METAP1D: variants seen among roughly 807,000 people sequenced by gnomAD.
METAP1D encodes the protein methionyl aminopeptidase type 1D, mitochondrial.
METAP1D carries 31 observed loss-of-function variants against 40.5 expected under a neutral mutation model. The ratio of observed to expected loss-of-function variants is 0.77; its 90% CI spans 0.58 to 1.03. The LOEUF is 1.03. METAP1D is among the 50% of genes least tolerant of loss of function. The pLI, the probability that METAP1D is intolerant of heterozygous loss-of-function variation, is 0.00. For missense variants in METAP1D, 411 were observed against 420.7 expected (o/e 0.98, Z 0.20); for synonymous variants, 151 against 146.4 (o/e 1.03, Z -0.22).
intron 1 of METAP1D, among the ~76,000 whole-genome samples, chr2:172,060,178 G>A (rs1017009897): frequency 1.3e-5 from 2 of 152,144 alleles, no homozygotes; most frequent in African/African-American, 4.8e-5. Context: ...CACTTTGGGA[G>A]GCCGAGGTGG....
intron 1 of METAP1D, among the ~76,000 whole-genome samples, chr2:172,006,186 GTTTT>G (rs11380115): frequency 1.4e-4 from 20 of 139,802 alleles, no homozygotes; most frequent in South Asian, 2.3e-4. Flanking sequence ...TATAGTTTTT[GTTTT>G]TTTTTTTTTT....
intron 1 of METAP1D, among the ~76,000 whole-genome samples, chr2:172,024,991 T>G (rs916249338): frequency 2.0e-5 from 3 of 152,212 alleles, no homozygotes; most frequent in Admixed American, 1.3e-4. Context: ...AGTTAATTTA[T>G]CTCCAAACTT....
At chr2:172,017,048 T>C (rs997285314) in intron 1 of METAP1D, among the ~76,000 whole-genome samples, 3 of 152,114 alleles carry the variant, frequency 2.0e-5, no homozygotes, top group Admixed American at 1.3e-4. Context: ...TTGTAACGTA[T>C]ATCACATTTT....
chr2:172,065,879 A>G, intron 4 of METAP1D, 127 bp downstream of exon 4: 1 of 1,028,036 alleles, frequency 9.7e-7, no homozygotes, highest in Non-Finnish European at 1.4e-6. Flanking sequence ...ATTGATTATG[A>G]TAAAACAGAA....
intron 1 of METAP1D, among the ~76,000 whole-genome samples, chr2:172,010,365 C>T (rs1046133854): frequency 6.0e-5 from 9 of 149,546 alleles, no homozygotes; most frequent in Admixed American, 1.3e-4. Flanking sequence ...TGGCTTTGAA[C>T]TCTTGAGCTC....
rs905631815 is a variant in METAP1D, at chr2:172,061,256, G to A, written c.41-242G>A. On this transcript the variant is annotated intron_variant, in intron 1 of 9. Transcript: ENST00000315796. ...AGATGTTTCTATATGTTTGTTTCCCGTTAGAGTAGAGTTTTCCATTGTCAC... is the reference window on the plus strand; with the variant it reads ...AGATGTTTCTATATGTTTGTTTCCCATTAGAGTAGAGTTTTCCATTGTCAC... Among the ~76,000 whole-genome samples the A allele has an allele frequency of 5.4e-4, 82 of 152,110 alleles. 1 individual carries two copies. Among genetic ancestry groups the A allele is most frequent in the African/African-American group, 1.4e-3 (59 of 41,386 alleles).
At chr2:172,005,787 C>T (rs1373877700) in intron 1 of METAP1D, among the ~76,000 whole-genome samples, 1 of 151,772 alleles carries the variant, frequency 6.6e-6, no homozygotes. Flanking sequence ...ATCCACCCAC[C>T]TCGGCCTCCC....
At chr2:172,007,125 A>G (rs76373625) in intron 1 of METAP1D, among the ~76,000 whole-genome samples, 1 of 114,418 alleles carries the variant, frequency 8.7e-6, no homozygotes, top group African/African-American at 3.8e-5. Flanking sequence ...TTTTTTTTTT[A>G]TTGTACATTA....
chr2:172,005,770 C>T (rs1172204601), intron 1 of METAP1D, among the ~76,000 whole-genome samples: 6 of 151,414 alleles, frequency 4.0e-5, no homozygotes, highest in Non-Finnish European at 7.4e-5. Context: ...AACTCCTGAC[C>T]CAAATGATCC....
chr2:172,079,146 CT>C, intron 7 of METAP1D, 68 bp from the exon 8 acceptor site: 1 of 1,529,190 alleles, frequency 6.5e-7, no homozygotes, highest in African/African-American at 1.4e-5. Context: ...GGCCTGACCC[CT>C]GTAATCTGTT....
In METAP1D at chr2:172,033,607, C is replaced by T. The variant is rs552406665; in HGVS notation, c.41-27891C>T. 3.9e-5 allele frequency among the ~76,000 whole-genome samples: 6 copies of T among 152,116 alleles called. No homozygotes were observed. In the South Asian group the frequency reaches 8.3e-4, roughly 21 times the overall value. Reference sequence around the variant, plus strand: ...CTGACCTCAAGTGATGTGCCTGTCTCGGCCTCCCAAAGTGCAGGGATTACA... The same window carrying T: ...CTGACCTCAAGTGATGTGCCTGTCTTGGCCTCCCAAAGTGCAGGGATTACA... On this transcript the variant is annotated intron_variant, in intron 1 of 9. Transcript: ENST00000315796.
chr2:172,008,391 C>T (rs897823784), intron 1 of METAP1D, among the ~76,000 whole-genome samples: 5 of 152,154 alleles, frequency 3.3e-5, no homozygotes, highest in African/African-American at 1.2e-4. Flanking sequence ...TATTTCATTA[C>T]CCTGACAGGC....
intron 5 of METAP1D, among the ~76,000 whole-genome samples, chr2:172,067,185 TAAAC>T (rs532388276): frequency 2.2e-4 from 33 of 152,144 alleles, no homozygotes; most frequent in Non-Finnish European, 4.4e-4. Context: ...TTTAAATAAA[TAAAC>T]AAAATTTAAA....
At position 172,009,036 on chromosome 2, in the gene METAP1D, A is replaced by C. The variant is rs571252815; in HGVS notation, c.40+9027A>C. On this transcript the variant is annotated intron_variant, in intron 1 of 9. Coordinates refer to ENST00000315796, the MANE Select transcript of METAP1D (RefSeq NM_199227.3). Reference sequence around the variant, plus strand: ...TGTTTGTGAATTGTTTATTTCTGGAATTTTCTTTCTTTTTTTTTTTTTGAG... The same window carrying C: ...TGTTTGTGAATTGTTTATTTCTGGACTTTTCTTTCTTTTTTTTTTTTTGAG... 2.7e-5 allele frequency among the ~76,000 whole-genome samples: 4 copies of C among 149,576 alleles called. No individual in the cohort carries two copies. In the South Asian group the frequency reaches 8.5e-4, roughly 32 times the overall value.
chr2:172,021,127 A>G (rs535491303), intron 1 of METAP1D, among the ~76,000 whole-genome samples: 1 of 152,280 alleles, frequency 6.6e-6, no homozygotes, highest in African/African-American at 2.4e-5. Flanking sequence ...AACCTCTTCT[A>G]TTATCTCCTC....
intron 1 of METAP1D, among the ~76,000 whole-genome samples, chr2:172,019,871 T>A (rs1389919528): frequency 2.0e-5 from 3 of 152,200 alleles, no homozygotes; most frequent in African/African-American, 7.2e-5. Context: ...GTTCATGATT[T>A]TTTCTCTTCT....
chr2:172,009,723 T>C (rs1688666979), intron 1 of METAP1D, among the ~76,000 whole-genome samples: 1 of 152,144 alleles, frequency 6.6e-6, no homozygotes, highest in Non-Finnish European at 1.5e-5. Flanking sequence ...GGTGTCTCCA[T>C]TTTAATCTGC....
intron 1 of METAP1D, among the ~76,000 whole-genome samples, chr2:172,030,747 T>C (rs1359646931): frequency 1.3e-5 from 2 of 152,228 alleles, no homozygotes; most frequent in African/African-American, 2.4e-5. Flanking sequence ...CATTTAACTT[T>C]CTTCTGTACT....
chr2:172,068,497 A>G (rs770697125), intron 5 of METAP1D, among the ~76,000 whole-genome samples: 1 of 151,824 alleles, frequency 6.6e-6, no homozygotes, highest in Non-Finnish European at 1.5e-5. Flanking sequence ...GTATTTCTGT[A>G]TATAGTGAAT....
Sources: allele counts gnomAD v4.1 joint callset (sites outside exome capture counted in the v4.1 genomes callset), GRCh38; gene constraint gnomAD v4.1.1; transcripts MANE v1.5; gene names NCBI Gene and HGNC (gene_info 2026-07-23, HGNC 2026-07-21).